Variants in NRXN3 observed in about 807,000 individuals in gnomAD.
NRXN3 encodes neurexin 3, also known as neurexin III.
NRXN3 carries 32 observed loss-of-function variants against 137.6 expected under a neutral mutation model. The observed-to-expected ratio is 0.23, with a 90% CI of 0.18 to 0.31. The LOEUF (loss-of-function observed/expected upper bound fraction) is 0.31. Ranked by LOEUF, NRXN3 falls within the 10% of genes least tolerant of loss-of-function variation. The pLI is 1.00. For missense variants in NRXN3, 1,574 were observed against 2,062.5 expected (o/e 0.76, Z 4.59); for synonymous variants, 798 against 784.5 (o/e 1.02, Z -0.29).
intron 15 of NRXN3, among the ~76,000 whole-genome samples, chr14:79,178,667 T>C (rs77239636): frequency 0.038 from 5,762 of 152,296 alleles, 251 homozygotes; most frequent in East Asian, 0.22. Context: ...GGTTCTGTGT[T>C]TTGGGGGATA....
At chr14:78,693,539 C>T (rs552867187) in intron 6 of NRXN3, among the ~76,000 whole-genome samples, 66 of 151,852 alleles carry the variant, frequency 4.3e-4, no homozygotes, top group Admixed American at 2.1e-3. Flanking sequence ...ATTTTCTTCA[C>T]GCATTTCTCC....
intron 15 of NRXN3, among the ~76,000 whole-genome samples, chr14:79,297,869 G>T (rs2084452968): frequency 1.3e-5 from 2 of 152,006 alleles, no homozygotes; most frequent in Admixed American, 1.3e-4. Flanking sequence ...TAAATATAAT[G>T]CCTCTCATTT....
At chr14:78,968,463 C>A in intron 14 of NRXN3, 117 bp downstream of exon 14, 1 of 860,732 alleles carries the variant, frequency 1.2e-6, no homozygotes. Flanking sequence ...TCTCATTTGC[C>A]ACGTGACATT....
At chr14:79,419,893 A>AAGG (rs1327849988) in intron 15 of NRXN3, among the ~76,000 whole-genome samples, 4 of 152,150 alleles carry the variant, frequency 2.6e-5, no homozygotes, top group African/African-American at 9.7e-5. Context: ...GCTATGAGAT[A>AAGG]AGGAGCTGCA....
At chr14:79,479,605 G>C (rs1346119969) in intron 16 of NRXN3, among the ~76,000 whole-genome samples, 1 of 152,046 alleles carries the variant, frequency 6.6e-6, no homozygotes, top group Non-Finnish European at 1.5e-5. Context: ...AGTTAAGAAT[G>C]ATAAACAGGA....
At chr14:79,354,415 TA>T (rs997882502) in intron 15 of NRXN3, among the ~76,000 whole-genome samples, 4 of 152,174 alleles carry the variant, frequency 2.6e-5, no homozygotes, top group Non-Finnish European at 4.4e-5. Flanking sequence ...AAACATTTTT[TA>T]AAAAAATTAG....
At chr14:78,872,217 T>C (rs1224941688) in intron 10 of NRXN3, among the ~76,000 whole-genome samples, 1 of 148,694 alleles carries the variant, frequency 6.7e-6, no homozygotes, top group African/African-American at 2.4e-5. Context: ...GTTGAATAAA[T>C]CTTTGCTAAT....
chr14:78,426,404 G>T (rs2093666070), intron 4 of NRXN3, among the ~76,000 whole-genome samples: 1 of 150,448 alleles, frequency 6.6e-6, no homozygotes, highest in Non-Finnish European at 1.5e-5. Flanking sequence ...CAGAGGAAGG[G>T]GAAAAATCTT....
chr14:78,775,207 G>A (rs1299259746), intron 8 of NRXN3, among the ~76,000 whole-genome samples: 1 of 152,200 alleles, frequency 6.6e-6, no homozygotes, highest in Non-Finnish European at 1.5e-5. Flanking sequence ...AAGCCATGGT[G>A]CTTGTTTAAG....
intron 4 of NRXN3, among the ~76,000 whole-genome samples, chr14:78,314,668 G>A (rs922071086): frequency 6.6e-6 from 1 of 152,152 alleles, no homozygotes; most frequent in Non-Finnish European, 1.5e-5. Flanking sequence ...ACAGGATAAG[G>A]GGCCTGGTGG....
At chr14:79,826,371 C>T (rs1243532725) in intron 20 of NRXN3, among the ~76,000 whole-genome samples, 3 of 152,062 alleles carry the variant, frequency 2.0e-5, no homozygotes, top group South Asian at 2.1e-4. Context: ...ATATGGAATT[C>T]GTTATGTCCT....
chr14:78,676,568 T>C (rs1048110838), intron 6 of NRXN3, among the ~76,000 whole-genome samples: 12 of 152,114 alleles, frequency 7.9e-5, no homozygotes, highest in Admixed American at 7.2e-4. Flanking sequence ...CATAACATAA[T>C]AGTGCAAATT....
chr14:79,270,743 T>C (rs1042379117), intron 15 of NRXN3, among the ~76,000 whole-genome samples: 1 of 152,228 alleles, frequency 6.6e-6, no homozygotes, highest in Admixed American at 6.5e-5. Context: ...TTTGAAGACA[T>C]AGACACCATC....
intron 19 of NRXN3, among the ~76,000 whole-genome samples, chr14:79,748,209 C>CA (rs2098985540): frequency 6.7e-6 from 1 of 149,812 alleles, no homozygotes; most frequent in South Asian, 2.2e-4. Flanking sequence ...TAAATTAAGT[C>CA]AAAAAAAGCT....
At chr14:79,284,682 G>A (rs980613626) in intron 15 of NRXN3, among the ~76,000 whole-genome samples, 11 of 152,024 alleles carry the variant, frequency 7.2e-5, no homozygotes, top group African/African-American at 2.2e-4. Flanking sequence ...TAGCAGAAGT[G>A]GTGGTGATGG....
chr14:79,259,365 C>A (rs2077220914), intron 15 of NRXN3, among the ~76,000 whole-genome samples: 1 of 151,998 alleles, frequency 6.6e-6, no homozygotes, highest in African/African-American at 2.4e-5. Flanking sequence ...TTCACATGAT[C>A]TCATACAGAA....
intron 20 of NRXN3, among the ~76,000 whole-genome samples, chr14:79,833,621 G>T (rs1463710949): frequency 1.8e-5 from 1 of 55,544 alleles, no homozygotes; most frequent in African/African-American, 6.5e-5. Context: ...AACAAAAAAT[G>T]TTGAGAAATC....
chr14:79,097,096 A>G (rs1190033921), intron 15 of NRXN3, among the ~76,000 whole-genome samples: 1 of 151,074 alleles, frequency 6.6e-6, no homozygotes, highest in African/African-American at 2.4e-5. Context: ...AAAGGCTTCC[A>G]GGTTTTTAGA....
At chr14:78,592,159 G>A (rs1400212765) in intron 4 of NRXN3, among the ~76,000 whole-genome samples, 1 of 152,172 alleles carries the variant, frequency 6.6e-6, no homozygotes, top group Non-Finnish European at 1.5e-5. Flanking sequence ...GCTTTGCAAA[G>A]TGGGGGCTGA....
Sources: allele counts gnomAD v4.1 joint callset (sites outside exome capture counted in the v4.1 genomes callset), GRCh38; gene constraint gnomAD v4.1.1; transcripts MANE v1.5; gene names NCBI Gene and HGNC (gene_info 2026-07-23, HGNC 2026-07-21).